Variants in STT3B observed in about 807,000 individuals in gnomAD.
STT3B encodes STT3 oligosaccharyltransferase complex catalytic subunit B.
Under a neutral mutation model 96.8 loss-of-function variants are expected in STT3B, and 29 were observed. The ratio of observed to expected loss-of-function variants is 0.30; its 90% CI spans 0.22 to 0.41. STT3B has a LOEUF of 0.41. Among genes scored for constraint, STT3B ranks in the 10% least tolerant of loss-of-function variants. STT3B has a pLI of 1.00. For synonymous variants in STT3B, 367 were observed against 360.0 expected, an observed-to-expected ratio of 1.02 and a Z score of -0.22; for missense variants, 640 against 1,022.3, an observed-to-expected ratio of 0.63 and a Z score of 5.10.
At chr3:31,612,800 T>C (rs1240679577) in intron 5 of STT3B, among the ~76,000 whole-genome samples, 1 of 152,168 alleles carries the variant, frequency 6.6e-6, no homozygotes, top group East Asian at 1.9e-4. Flanking sequence ...ACATGATTGC[T>C]AAAATTTTTA....
intron 10 of STT3B, among the ~76,000 whole-genome samples, chr3:31,623,024 G>A (rs150548929): frequency 1.3e-5 from 2 of 152,118 alleles, no homozygotes; most frequent in Non-Finnish European, 2.9e-5. Context: ...TCATAAAGAT[G>A]TGTGTTAATA....
intron 1 of STT3B, among the ~76,000 whole-genome samples, chr3:31,576,006 T>C (rs1698256476): frequency 6.6e-6 from 1 of 152,146 alleles, no homozygotes; most frequent in African/African-American, 2.4e-5. Context: ...AGTGCTATTA[T>C]AGTTTAAAGC....
At chr3:31,572,180 G>A (rs1479644687) in intron 1 of STT3B, among the ~76,000 whole-genome samples, 1 of 140,918 alleles carries the variant, frequency 7.1e-6, no homozygotes, top group Non-Finnish European at 1.5e-5. Context: ...AATTATATAT[G>A]AGATATATAA....
intron 1 of STT3B, among the ~76,000 whole-genome samples, chr3:31,545,157 CAGTCATA>C (rs1162279647): frequency 6.6e-6 from 1 of 152,010 alleles, no homozygotes; most frequent in African/African-American, 2.4e-5. Flanking sequence ...CTGTAAAGGC[CAGTCATA>C]AGTCATGAGT....
In STT3B at chr3:31,616,871, T is replaced by C. The variant is rs866853118; in HGVS notation, c.977-58T>C. 5.4e-5 allele frequency: 80 copies of C among 1,494,326 alleles called. 2 individuals are homozygous for C. The Middle Eastern group carries it at 1.8e-3, about 33-fold the overall frequency. 92.6% of individuals were successfully genotyped at this position (1,494,326 alleles called of 1,614,324 possible). On this transcript the variant is annotated intron_variant, in intron 6 of 15. Coordinates refer to ENST00000295770, the MANE Select transcript of STT3B (RefSeq NM_178862.3). ...TCTAAGAAGCTCTTTCAAATGAAAG[T>C]TTTTAAATGACCTTGGAAAACTGCT...
intron 14 of STT3B, among the ~76,000 whole-genome samples, chr3:31,630,209 A>C (rs185842985): frequency 6.6e-6 from 1 of 152,226 alleles, no homozygotes; most frequent in Admixed American, 6.5e-5. Context: ...AAAAAGTTCT[A>C]TCTAACCTCT....
intron 10 of STT3B, among the ~76,000 whole-genome samples, chr3:31,623,270 G>A (rs1359443287): frequency 6.6e-6 from 1 of 152,142 alleles, no homozygotes; most frequent in Non-Finnish European, 1.5e-5. Context: ...TACTAAAGTG[G>A]TACATGGTCA....
In STT3B at chr3:31,580,132, TCGTGACCTTTCTCCTGAAACACTTTA is replaced by T. The variant is rs771866093; in HGVS notation, c.711+37_711+62del. On this transcript the variant is annotated intron_variant, in intron 3 of 15. Coordinates refer to ENST00000295770, the MANE Select transcript of STT3B (RefSeq NM_178862.3). ...TTTAATGTTTTGCTGCCATTATTAC[TCGTGACCTTTCTCCTGAAACACTTTA>T]GGCTGTACGCAGATTTGTCTTTTAC... The T allele has an allele frequency of 6.3e-6, 10 of 1,587,768 alleles. No individual in the cohort carries two copies. The South Asian group carries it at 1.1e-4, about 18-fold the overall frequency.
At chr3:31,597,471 T>C (rs1043191356) in intron 4 of STT3B, among the ~76,000 whole-genome samples, 1 of 152,082 alleles carries the variant, frequency 6.6e-6, no homozygotes, top group Non-Finnish European at 1.5e-5. Context: ...CATTTCTTTT[T>C]TCAGAGATAG....
chr3:31,603,293 C>G (rs1698974028), intron 5 of STT3B, among the ~76,000 whole-genome samples: 1 of 151,866 alleles, frequency 6.6e-6, no homozygotes, highest in African/African-American at 2.4e-5. Context: ...AGAAAACTGT[C>G]AAAGTTTATT....
At chr3:31,583,500 T>C (rs1698462020) in intron 3 of STT3B, among the ~76,000 whole-genome samples, 1 of 152,090 alleles carries the variant, frequency 6.6e-6, no homozygotes, top group Non-Finnish European at 1.5e-5. Context: ...TTGTTTTGAA[T>C]TTTATAGAGT....
At chr3:31,573,376 A>C (rs1201275646) in intron 1 of STT3B, among the ~76,000 whole-genome samples, 1 of 152,178 alleles carries the variant, frequency 6.6e-6, no homozygotes, top group South Asian at 2.1e-4. Flanking sequence ...GGCAGAATGG[A>C]TGTAAAGAGA....
At chr3:31,588,923 G>GT (rs35649726) in intron 3 of STT3B, among the ~76,000 whole-genome samples, 6,633 of 152,054 alleles carry the variant, frequency 0.044, 372 homozygotes, top group East Asian at 0.32. Context: ...GTCAGGTGTA[G>GT]TATCAGTCTT....
intron 5 of STT3B, among the ~76,000 whole-genome samples, chr3:31,614,032 A>G (rs1402547579): frequency 6.6e-6 from 1 of 151,930 alleles, no homozygotes; most frequent in Non-Finnish European, 1.5e-5. Flanking sequence ...AGGCAACTTA[A>G]TATTTGAACC....
At chr3:31,572,191 TATATA>T (rs1346809158) in intron 1 of STT3B, among the ~76,000 whole-genome samples, 1 of 143,768 alleles carries the variant, frequency 7.0e-6, no homozygotes, top group African/African-American at 2.6e-5. Context: ...AGATATATAA[TATATA>T]ATTAATTATA....
chr3:31,553,736 GAA>G (rs368919777), intron 1 of STT3B, among the ~76,000 whole-genome samples: 1 of 151,748 alleles, frequency 6.6e-6, no homozygotes. Context: ...TTTTAAAAAT[GAA>G]AAAAAATGAG....
intron 1 of STT3B, among the ~76,000 whole-genome samples, chr3:31,541,380 G>A (rs894243542): frequency 1.4e-4 from 21 of 151,598 alleles, no homozygotes; most frequent in African/African-American, 5.1e-4. Context: ...TAAACTCTGT[G>A]TGCATTGCTA....
chr3:31,554,305 G>A (rs1461253301), intron 1 of STT3B, among the ~76,000 whole-genome samples: 1 of 152,142 alleles, frequency 6.6e-6, no homozygotes, highest in Non-Finnish European at 1.5e-5. Context: ...GAAAAAATGA[G>A]CCTTGGTCAT....
chr3:31,557,460 G>A (rs1395130808), intron 1 of STT3B, among the ~76,000 whole-genome samples: 1 of 151,896 alleles, frequency 6.6e-6, no homozygotes, highest in Non-Finnish European at 1.5e-5. Flanking sequence ...ATACTGCTTT[G>A]GGCAGTATGC....
Sources: allele counts gnomAD v4.1 joint callset (sites outside exome capture counted in the v4.1 genomes callset), GRCh38; gene constraint gnomAD v4.1.1; transcripts MANE v1.5; gene names NCBI Gene and HGNC (gene_info 2026-07-23, HGNC 2026-07-21).